ENAH: variants seen among roughly 807,000 people sequenced by gnomAD.
ENAH encodes protein enabled homolog.
ENAH carries 23 observed loss-of-function variants against 78.7 expected under a neutral mutation model. The ratio of observed to expected loss-of-function variants is 0.29; its 90% CI spans 0.21 to 0.41. The LOEUF (loss-of-function observed/expected upper bound fraction) is 0.41. Ranked by LOEUF, ENAH falls within the 10% of genes least tolerant of loss-of-function variation. The pLI is 1.00. For synonymous variants in ENAH, 226 were observed against 241.0 expected (o/e 0.94, Z 0.58); for missense variants, 544 against 691.0 (o/e 0.79, Z 2.39).
chr1:225,576,198 G>A (rs1046201421), intron 1 of ENAH, among the ~76,000 whole-genome samples: 3 of 150,286 alleles, frequency 2.0e-5, no homozygotes, highest in African/African-American at 7.4e-5. Flanking sequence ...GATCACTTGA[G>A]CCAGGAGTTC....
intron 1 of ENAH, among the ~76,000 whole-genome samples, chr1:225,597,967 T>G (rs916399872): frequency 2.6e-5 from 4 of 152,052 alleles, no homozygotes; most frequent in African/African-American, 9.7e-5. Flanking sequence ...ATTAATATTC[T>G]TTTCCAGTTC....
At chr1:225,501,140 A>G in intron 11 of ENAH, 70 bp from the exon 12 acceptor site, 1 of 1,170,586 alleles carries the variant, frequency 8.5e-7, no homozygotes, top group Non-Finnish European at 1.2e-6. Flanking sequence ...AAATAATTGC[A>G]AATTTACCAA....
chr1:225,515,019 AG>A, intron 6 of ENAH, 119 bp from the exon 7 acceptor site: 1 of 812,726 alleles, frequency 1.2e-6, no homozygotes, highest in South Asian at 1.6e-5. Context: ...TTACTTAATG[AG>A]TCCAATTTAT....
chr1:225,606,158 C>T (rs1289684879), intron 1 of ENAH, among the ~76,000 whole-genome samples: 3 of 151,988 alleles, frequency 2.0e-5, no homozygotes, highest in African/African-American at 7.3e-5. Flanking sequence ...CTGAATGTGA[C>T]CTATTAGAAT....
chr1:225,613,294 C>T (rs927362124), intron 1 of ENAH, among the ~76,000 whole-genome samples: 18 of 152,166 alleles, frequency 1.2e-4, no homozygotes, highest in African/African-American at 3.4e-4. Flanking sequence ...TCTCACTACA[C>T]ATTTTATCTT....
At chr1:225,605,892 G>A (rs781162303) in intron 1 of ENAH, among the ~76,000 whole-genome samples, 1 of 152,156 alleles carries the variant, frequency 6.6e-6, no homozygotes, top group Non-Finnish European at 1.5e-5. Flanking sequence ...CCAACACCTT[G>A]ACCTTCTAGC....
intron 7 of ENAH, among the ~76,000 whole-genome samples, chr1:225,513,329 G>C (rs190748334): frequency 6.6e-6 from 1 of 152,192 alleles, no homozygotes; most frequent in African/African-American, 2.4e-5. Flanking sequence ...ATCTAATCTT[G>C]AGGAAAAATC....
intron 12 of ENAH, among the ~76,000 whole-genome samples, chr1:225,499,274 AAAAT>A (rs986252226): frequency 2.0e-5 from 3 of 152,104 alleles, no homozygotes; most frequent in Non-Finnish European, 2.9e-5. Flanking sequence ...TCTCAAAAAA[AAAAT>A]AAATAAATAA....
rs546445551 is a variant in ENAH, at chr1:225,557,248, A to C, written c.172-2165T>G. ...AAGTATCTTTATAGGGGTCTTGAGG[A>C]TCTTTCATTAGATTTATTATTTTCT... On this transcript the variant is annotated intron_variant, in intron 2 of 13. Coordinates refer to ENST00000366843, the MANE Select transcript of ENAH (RefSeq NM_018212.6). Among the ~76,000 whole-genome samples, 7 of 152,284 alleles carry C rather than the reference A, an allele frequency of 4.6e-5. No homozygotes were observed. In the East Asian group the frequency reaches 1.4e-3, roughly 29 times the overall value.
chr1:225,519,629 C>A (rs2096452241), intron 4 of ENAH, 64 bp from the exon 5 acceptor site: 7 of 1,546,372 alleles, frequency 4.5e-6, no homozygotes, highest in South Asian at 2.5e-5. Flanking sequence ...AAAAGCGATT[C>A]TTTTCACCTA....
rs747730425 is a variant in ENAH at position 225,488,369 on chromosome 1, A to G, written c.*9406T>C. ...GAGGCTGAGCAACAGAAAGCTTCCA[A>G]TGAGAACTCAGAAGGCATTCACTCT... On this transcript the variant is annotated 3_prime_UTR_variant, in exon 14 of 14. Coordinates refer to ENST00000366843, the MANE Select transcript of ENAH (RefSeq NM_018212.6). 2.0e-5 allele frequency: 3 copies of G among 152,148 alleles called. No individual in the cohort carries two copies. The highest frequency in any genetic ancestry group is 4.4e-5 in the Non-Finnish European group (3 of 68,062). The allele number at this position is 152,148 out of a possible 1,614,324, so 9.4% of individuals were successfully genotyped here.
intron 1 of ENAH, among the ~76,000 whole-genome samples, chr1:225,615,816 C>T (rs1157430944): frequency 7.9e-5 from 12 of 151,964 alleles, no homozygotes; most frequent in Non-Finnish European, 1.6e-4. Context: ...GCCGCCACCC[C>T]GTCTGGGAGG....
rs575124891 is a variant in ENAH at position 225,540,119 on chromosome 1, G to T, written c.350-9481C>A. ...GAATGATATTAAAATTAAGCAAAAAGGTTCAAACTTATATTTGGGTACAAA... is the reference window on the plus strand; with the variant it reads ...GAATGATATTAAAATTAAGCAAAAATGTTCAAACTTATATTTGGGTACAAA... On this transcript the variant is annotated intron_variant, in intron 3 of 13. Transcript: ENST00000366843. Among the ~76,000 whole-genome samples, 9 of 152,216 alleles carry T rather than the reference G, an allele frequency of 5.9e-5. No individual in the cohort carries two copies. The South Asian group carries it at 1.9e-3, about 32-fold the overall frequency.
chr1:225,650,613 G>A (rs1277072703), intron 1 of ENAH, among the ~76,000 whole-genome samples: 1 of 152,026 alleles, frequency 6.6e-6, no homozygotes, highest in East Asian at 1.9e-4. Context: ...CACTTTGGGA[G>A]GCCGAAGCTG....
At chr1:225,628,887 C>T (rs1658442315) in intron 1 of ENAH, among the ~76,000 whole-genome samples, 1 of 127,032 alleles carries the variant, frequency 7.9e-6, no homozygotes, top group Admixed American at 8.3e-5. Flanking sequence ...ACCTGGGCAA[C>T]AAGAGCGAAA....
At position 225,495,637 on chromosome 1, in the gene ENAH, C is replaced by A. The variant is rs1415328463; in HGVS notation, c.*2138G>T. On this transcript the variant is annotated 3_prime_UTR_variant, in exon 14 of 14. Transcript: ENST00000366843. Reference sequence around the variant, plus strand: ...TACCTACTACAGACTATTTAACTTACCCAACAAAATCAAAAGAGGTTGCTG... The same window carrying A: ...TACCTACTACAGACTATTTAACTTAACCAACAAAATCAAAAGAGGTTGCTG... 6.6e-6 allele frequency: 1 copy of A among 152,280 alleles called. No individual in the cohort carries two copies. The highest frequency in any genetic ancestry group is 1.5e-5 in the Non-Finnish European group (1 of 67,958). The allele number at this position is 152,280 out of a possible 1,614,324, so 9.4% of individuals were successfully genotyped here. A position where few individuals can be genotyped will look rare whatever the true frequency, so the allele number is the denominator to read the frequency against.
rs2096532997 is a variant in ENAH at position 225,530,537 on chromosome 1, A to G, written c.434+17T>C. 1.3e-6 allele frequency: 2 copies of G among 1,593,312 alleles called. No homozygotes were observed. Among genetic ancestry groups the G allele is most frequent in the East Asian group, 2.2e-5 (1 of 44,716 alleles). On this transcript the variant is annotated intron_variant, in intron 4 of 13. Coordinates refer to ENST00000366843, the MANE Select transcript of ENAH (RefSeq NM_018212.6). ...GAAGCATAAAGAAAAAGTACAAACA[A>G]TAACTTGAAAATTTACCTTCTTTGA...
At chr1:225,571,024 G>A (rs997872223) in intron 1 of ENAH, among the ~76,000 whole-genome samples, 1 of 151,956 alleles carries the variant, frequency 6.6e-6, no homozygotes, top group Non-Finnish European at 1.5e-5. Context: ...ACTGTTTATG[G>A]ATATCTATAA....
At chr1:225,552,872 T>C (rs914268582) in intron 3 of ENAH, among the ~76,000 whole-genome samples, 4 of 152,210 alleles carry the variant, frequency 2.6e-5, no homozygotes, top group Non-Finnish European at 4.4e-5. Flanking sequence ...TCTTAATGCT[T>C]ATTACCTTAC....
Sources: gnomAD v4.1 joint callset for allele counts (sites outside exome capture counted in the v4.1 genomes callset) on GRCh38, gnomAD v4.1.1 for gene constraint, MANE v1.5 for transcripts, NCBI Gene and HGNC (gene_info 2026-07-23, HGNC 2026-07-21) for gene names.